ARL2: variants seen among roughly 807,000 people sequenced by gnomAD.
ARL2 encodes ARF like GTPase 2.
In ARL2, 11 loss-of-function variants were observed where a neutral mutation model predicts 22.0. That is an observed-to-expected ratio of 0.50 (90% CI 0.31 to 0.83). The LOEUF (loss-of-function observed/expected upper bound fraction) is 0.83. Ranked by LOEUF, ARL2 falls within the 40% of genes least tolerant of loss-of-function variation. The probability of loss-of-function intolerance (pLI) is 0.04; values close to 1 mark genes in which losing one functional copy is unlikely to be tolerated. For synonymous variants in ARL2, 111 were observed against 100.8 expected (o/e 1.10, Z -0.61); for missense variants, 216 against 243.2 (o/e 0.89, Z 0.74).
chr11:65,021,377 G>A (rs1236953318), intron 4 of ARL2: 1 of 237,926 alleles, frequency 4.2e-6, no homozygotes, highest in Non-Finnish European at 8.1e-6. Context: ...CCTCCTTGGT[G>A]AAATGGTCGA....
chr11:65,019,806 G>T (rs868717544), intron 3 of ARL2, among the ~76,000 whole-genome samples: 54 of 152,328 alleles, frequency 3.5e-4, no homozygotes, highest in Middle Eastern at 3.4e-3. Flanking sequence ...TGAAAGGGGG[G>T]ATTCTGCAGG....
chr11:65,015,903 C>T (rs1047262323), intron 1 of ARL2, among the ~76,000 whole-genome samples: 1 of 151,752 alleles, frequency 6.6e-6, no homozygotes, highest in Admixed American at 6.6e-5. Context: ...TTAGGGTGGT[C>T]AAAGAAGGCC....
At position 65,018,523 on chromosome 11, in the gene ARL2, G is replaced by A. The variant is rs202163474; in HGVS notation, c.177-48G>A. On this transcript the variant is annotated intron_variant, in intron 2 of 4. Transcript: ENST00000246747. The surrounding 1 kb of genome is among the most constrained non-coding windows in gnomAD (Gnocchi z 4.2). ...GCCAGCCCAGAGCAGGGCAGGGAAG[G>A]TGGGAGAGGGGCCCAGCTGACCCTC... The A allele has an allele frequency of 9.2e-5, 148 of 1,601,850 alleles. No individual in the cohort carries two copies. The East Asian group carries it at 3.3e-3, about 35-fold the overall frequency.
chr11:65,014,213 G>C lies in ARL2; in HGVS notation c.6G>C (p.Gly2=). 6.4e-7 allele frequency: 1 copy of C among 1,573,202 alleles called. No homozygotes were observed. Among genetic ancestry groups the C allele is most frequent in the Non-Finnish European group, 8.6e-7 (1 of 1,163,466 alleles). Reference sequence around the variant, plus strand: ...GGGAGGGGGCTCCGGGGACCATGGGGCTCCTGACCATTCTGAAGAAGATGA... The same window carrying C: ...GGGAGGGGGCTCCGGGGACCATGGGCCTCCTGACCATTCTGAAGAAGATGA... M[G]LLTILKKMKQ... Residue 2 remains glycine, a synonymous_variant, in exon 1 of 5, where the codon GGG becomes GGC. Transcript: ENST00000246747.
intron 1 of ARL2, among the ~76,000 whole-genome samples, chr11:65,017,501 G>C (rs1946272311): frequency 6.6e-6 from 1 of 152,002 alleles, no homozygotes; most frequent in Non-Finnish European, 1.5e-5. Flanking sequence ...CGGCCTATTT[G>C]CTCTTTTTAA....
chr11:65,017,492 G>A (rs540593818), intron 1 of ARL2, among the ~76,000 whole-genome samples: 5 of 152,176 alleles, frequency 3.3e-5, no homozygotes, highest in South Asian at 2.1e-4. Context: ...CACCGCGCCC[G>A]GCCTATTTGC....
intron 3 of ARL2, chr11:65,019,175 T>C (rs1268100178): frequency 9.1e-6 from 3 of 328,454 alleles, no homozygotes; most frequent in Non-Finnish European, 1.8e-5. Flanking sequence ...AGGTTGAGGC[T>C]GCAGTGAGCT....
chr11:65,014,681 G>A (rs967834556), intron 1 of ARL2, among the ~76,000 whole-genome samples: 2 of 152,346 alleles, frequency 1.3e-5, no homozygotes, highest in African/African-American at 4.8e-5. Flanking sequence ...GGCGTGCGGG[G>A]TGGCGGGTGG....
Position 65,018,945 on chromosome 11 carries a change from C to A in ARL2, c.339+212C>A. On this transcript the variant is annotated intron_variant, in intron 3 of 4. Coordinates refer to ENST00000246747, the MANE Select transcript of ARL2 (RefSeq NM_001667.4). This position sits in a 1 kb window ranked among gnomAD's most constrained non-coding sequence, Gnocchi z 4.2. ...TCCCTGTGGTGTTACTACGTCACTA[C>A]CCTGAGCATCAGTTTCTATGCCTTG... 1 of 1,518,498 alleles carries A rather than the reference C, an allele frequency of 6.6e-7. No individual in the cohort carries two copies. Among genetic ancestry groups the A allele is most frequent in the Non-Finnish European group, 8.8e-7 (1 of 1,136,180 alleles). The allele number at this position is 1,518,498 out of a possible 1,614,324, so 94.1% of individuals were successfully genotyped here.
chr11:65,020,278 C>G, intron 3 of ARL2, 141 bp from the exon 4 acceptor site: 3 of 732,368 alleles, frequency 4.1e-6, no homozygotes, highest in Non-Finnish European at 7.2e-6. Flanking sequence ...CACAAACTCA[C>G]TCCTGGGCCT....
chr11:65,016,049 A>G (rs1323846440), intron 1 of ARL2, among the ~76,000 whole-genome samples: 1 of 151,980 alleles, frequency 6.6e-6, no homozygotes, highest in East Asian at 1.9e-4. Context: ...TCTACTGAAA[A>G]TACAAAAATT....
chr11:65,017,984 G>A (rs140680880), intron 1 of ARL2, among the ~76,000 whole-genome samples: 1,590 of 152,352 alleles, frequency 0.01, 27 homozygotes, highest in African/African-American at 0.036. Context: ...AGCCTCCTCC[G>A]ATGGCCCTCT....
chr11:65,014,712 C>A (rs1946229028), intron 1 of ARL2, among the ~76,000 whole-genome samples: 1 of 152,212 alleles, frequency 6.6e-6, no homozygotes, highest in Non-Finnish European at 1.5e-5. Flanking sequence ...CTCCGCGGAT[C>A]CTTTCGAGCG....
chr11:65,021,425 T>A (rs182038824), intron 4 of ARL2: 25 of 343,154 alleles, frequency 7.3e-5, no homozygotes, highest in African/African-American at 4.7e-4. Flanking sequence ...GGAGAATGAG[T>A]GAGAGAGGGT....
chr11:65,016,066 A>G (rs149072967), intron 1 of ARL2, among the ~76,000 whole-genome samples: 3,408 of 151,908 alleles, frequency 0.022, 62 homozygotes, highest in Non-Finnish European at 0.035. Flanking sequence ...AATTAGCTGG[A>G]TGTGGTGGTG....
intron 4 of ARL2, among the ~76,000 whole-genome samples, chr11:65,020,810 A>G (rs1946318865): frequency 6.6e-6 from 1 of 151,428 alleles, no homozygotes; most frequent in African/African-American, 2.4e-5. Context: ...TGGAGGTTGC[A>G]GTGAGCCAAG....
At chr11:65,020,251 G>C (rs1056955495) in intron 3 of ARL2, among the ~76,000 whole-genome samples, 168 bp from the exon 4 acceptor site, 2 of 152,196 alleles carry the variant, frequency 1.3e-5, no homozygotes, top group Admixed American at 1.3e-4. Flanking sequence ...ATGTGGGCCA[G>C]CCTTGATGGC....
At chr11:65,014,578 A>C (rs1035637113) in intron 1 of ARL2, among the ~76,000 whole-genome samples, 1 of 152,134 alleles carries the variant, frequency 6.6e-6, no homozygotes, top group African/African-American at 2.4e-5. Context: ...GGCCTGGCCC[A>C]AGCGTGGGGC....
At chr11:65,020,331 C>G in intron 3 of ARL2, 88 bp from the exon 4 acceptor site, 1 of 1,142,720 alleles carries the variant, frequency 8.8e-7, no homozygotes, top group South Asian at 1.3e-5. Flanking sequence ...CCAGGTCGAT[C>G]CTTCACCCCA....
Sources: allele counts gnomAD v4.1 joint callset (sites outside exome capture counted in the v4.1 genomes callset), GRCh38; gene constraint gnomAD v4.1.1; non-coding constraint Gnocchi (gnomAD v3.1); transcripts MANE v1.5; gene names NCBI Gene and HGNC (gene_info 2026-07-23, HGNC 2026-07-21).